RGS21: variants seen among roughly 807,000 people sequenced by gnomAD.
The protein encoded by RGS21 is regulator of G protein signaling 21.
RGS21 carries 19 observed loss-of-function variants against 18.7 expected under a neutral mutation model. The ratio of observed to expected loss-of-function variants is 1.01; its 90% confidence interval spans 0.71 to 1.49. RGS21 has a LOEUF of 1.49. Among genes scored for constraint, RGS21 ranks in the 40% most tolerant of loss-of-function variants. The pLI, the probability that RGS21 is intolerant of heterozygous loss-of-function variation, is 0.00. For missense variants in RGS21, 194 were observed against 176.8 expected (o/e 1.10, Z -0.55); for synonymous variants, 56 against 57.8 (o/e 0.97, Z 0.14).
chr1:192,348,041 C>T (rs1383779551), intron 3 of RGS21, among the ~76,000 whole-genome samples: 6 of 144,770 alleles, frequency 4.1e-5, no homozygotes, highest in South Asian at 2.1e-4. Flanking sequence ...TTTTTTGAGA[C>T]GGAGTCTTGC....
intron 1 of RGS21, among the ~76,000 whole-genome samples, chr1:192,338,005 A>G (rs571463220): frequency 3.1e-4 from 47 of 152,332 alleles, no homozygotes; most frequent in Non-Finnish European, 3.8e-4. Context: ...AGAAAACACA[A>G]AGAAAATACA....
Position 192,347,295 on chromosome 1 carries a change from T to G in RGS21, c.12-18T>G, listed in dbSNP as rs1217455574. 6.7e-7 allele frequency: 1 copy of G among 1,491,672 alleles called. No homozygotes were observed. The highest frequency in any genetic ancestry group is 2.3e-5 in the East Asian group (1 of 44,132). The allele number at this position is 1,491,672 out of a possible 1,614,324, so 92.4% of individuals were successfully genotyped here. A position where few individuals can be genotyped will look rare whatever the true frequency, so the allele number is the denominator to read the frequency against. On this transcript the variant is annotated intron_variant, in intron 2 of 4. Transcript: ENST00000417209. Reference sequence around the variant, plus strand: ...TGGTTAAAGAAGAAAAAGATCACAATGCTATTGTCAAGGTTAGATGCTGTT... The same window carrying G: ...TGGTTAAAGAAGAAAAAGATCACAAGGCTATTGTCAAGGTTAGATGCTGTT...
intron 1 of RGS21, among the ~76,000 whole-genome samples, chr1:192,326,535 G>T (rs1177048391): frequency 1.3e-5 from 2 of 152,010 alleles, no homozygotes; most frequent in Non-Finnish European, 2.9e-5. Flanking sequence ...CATTATGTTT[G>T]TCATATTGCT....
intron 1 of RGS21, among the ~76,000 whole-genome samples, chr1:192,325,424 A>C (rs1459394535): frequency 1.3e-5 from 2 of 152,050 alleles, no homozygotes; most frequent in Non-Finnish European, 1.5e-5. Flanking sequence ...ATATGAGTGC[A>C]TGTGTCTTTT....
chr1:192,350,940 A>G (rs76264221), intron 3 of RGS21, among the ~76,000 whole-genome samples: 626 of 152,294 alleles, frequency 4.1e-3, no homozygotes, highest in Non-Finnish European at 7.4e-3. Context: ...TGTAAATTTG[A>G]CTGAAAGTAA....
chr1:192,325,737 T>C (rs1658560593), intron 1 of RGS21, among the ~76,000 whole-genome samples: 2 of 152,284 alleles, frequency 1.3e-5, no homozygotes, highest in East Asian at 1.9e-4. Flanking sequence ...GTTTGCTGTA[T>C]GTATGTCCTC....
At chr1:192,328,489 T>G (rs569763656) in intron 1 of RGS21, among the ~76,000 whole-genome samples, 43 of 152,298 alleles carry the variant, frequency 2.8e-4, no homozygotes, top group African/African-American at 9.1e-4. Context: ...GATAAGAATC[T>G]TAATAAAACA....
At chr1:192,350,554 AAG>A (rs200990513) in intron 3 of RGS21, among the ~76,000 whole-genome samples, 1,705 of 152,254 alleles carry the variant, frequency 0.011, 20 homozygotes, top group Middle Eastern at 0.061. Flanking sequence ...AGCACATGCA[AAG>A]GGGGCCTCCC....
At chr1:192,336,001 T>C (rs572197300) in intron 1 of RGS21, among the ~76,000 whole-genome samples, 63 of 152,342 alleles carry the variant, frequency 4.1e-4, no homozygotes, top group African/African-American at 1.5e-3. Flanking sequence ...ACAAAGTATA[T>C]TTGTTGTAAT....
At chr1:192,350,142 A>G (rs1659019622) in intron 3 of RGS21, among the ~76,000 whole-genome samples, 1 of 152,256 alleles carries the variant, frequency 6.6e-6, no homozygotes, top group East Asian at 1.9e-4. Flanking sequence ...GAATTTTTAT[A>G]TAGTGCTCAT....
chr1:192,319,352 T>C (rs2102219630), intron 1 of RGS21, among the ~76,000 whole-genome samples: 1 of 152,272 alleles, frequency 6.6e-6, no homozygotes, highest in African/African-American at 2.4e-5. Context: ...GGAAAATTAA[T>C]CCTCCAATCT....
chr1:192,336,536 A>G (rs1488613317), intron 1 of RGS21, among the ~76,000 whole-genome samples: 2 of 152,198 alleles, frequency 1.3e-5, no homozygotes, highest in African/African-American at 2.4e-5. Flanking sequence ...TTACTGTCTG[A>G]TGCCTGGCAG....
intron 1 of RGS21, among the ~76,000 whole-genome samples, chr1:192,328,204 G>T (rs1252834810): frequency 6.6e-6 from 1 of 152,186 alleles, no homozygotes; most frequent in African/African-American, 2.4e-5. Flanking sequence ...ATGCCAGGCT[G>T]GGCATGGCTC....
rs1658971624 is a variant in RGS21, at chr1:192,347,610, T to C, written c.88+221T>C. On this transcript the variant is annotated intron_variant, in intron 3 of 4. Transcript: ENST00000417209. The stretch of plus-strand genomic sequence containing the variant: ...ACATTAAAACAAAAGGGAAATTCAA[T>C]CTAGCAAGTGAAATTTTCCATTGCC... 2.0e-5 allele frequency among the ~76,000 whole-genome samples: 3 copies of C among 152,100 alleles called. No individual in the cohort carries two copies. In the South Asian group the frequency reaches 6.2e-4, roughly 32 times the overall value.
chr1:192,328,146 G>A (rs1030029941), intron 1 of RGS21, among the ~76,000 whole-genome samples: 1 of 152,166 alleles, frequency 6.6e-6, no homozygotes, highest in Non-Finnish European at 1.5e-5. Flanking sequence ...CTCTGTCATG[G>A]ACACACGTGA....
intron 1 of RGS21, among the ~76,000 whole-genome samples, chr1:192,329,144 T>C (rs1331763569): frequency 6.6e-6 from 1 of 152,128 alleles, no homozygotes; most frequent in Non-Finnish European, 1.5e-5. Context: ...AGATATTACG[T>C]AGATTTTAGT....
chr1:192,332,190 A>C (rs1404507025), intron 1 of RGS21, among the ~76,000 whole-genome samples: 2 of 152,186 alleles, frequency 1.3e-5, no homozygotes, highest in African/African-American at 4.8e-5. Context: ...TTTAAAAGAT[A>C]AATCAACTCA....
At chr1:192,349,688 G>T (rs1001713894) in intron 3 of RGS21, among the ~76,000 whole-genome samples, 6 of 152,132 alleles carry the variant, frequency 3.9e-5, no homozygotes, top group Non-Finnish European at 7.4e-5. Flanking sequence ...GTAGCCCCAG[G>T]TTTAGTTTTT....
intron 4 of RGS21, among the ~76,000 whole-genome samples, chr1:192,354,229 C>G (rs1253091064): frequency 6.6e-6 from 1 of 151,558 alleles, no homozygotes; most frequent in Admixed American, 6.6e-5. Flanking sequence ...TAAAACTAGT[C>G]AAATACACAA....
Sources: gnomAD v4.1 joint callset for allele counts (sites outside exome capture counted in the v4.1 genomes callset) on GRCh38, gnomAD v4.1.1 for gene constraint, MANE v1.5 for transcripts, NCBI Gene and HGNC (gene_info 2026-07-23, HGNC 2026-07-21) for gene names.